Variants in PDE12 observed in about 807,000 individuals in gnomAD.
The protein encoded by PDE12 is phosphodiesterase 12.
Under a neutral mutation model 45.4 loss-of-function variants are expected in PDE12, and 26 were observed. That is an observed-to-expected ratio of 0.57 (90% CI 0.42 to 0.79). The LOEUF is 0.79. Among genes scored for constraint, PDE12 ranks in the 30% least tolerant of loss-of-function variants. The pLI is 0.00. For synonymous variants in PDE12, 283 were observed against 323.9 expected (o/e 0.87, Z 1.36); for missense variants, 668 against 790.0 (o/e 0.85, Z 1.85).
the PDE12 span, among the ~76,000 whole-genome samples, chr3:57,605,412 A>G: frequency 2.0e-5 from 3 of 152,274 alleles, no homozygotes; most frequent in South Asian, 6.3e-4. Context: ...TTGGTTGGGA[A>G]CAATGCCTGG....
At chr3:57,603,968 A>C in the PDE12 span, among the ~76,000 whole-genome samples, 1 of 146,888 alleles carries the variant, frequency 6.8e-6, no homozygotes, top group Non-Finnish European at 1.5e-5. Flanking sequence ...TCTGTTGCCC[A>C]GGCTAGAATG....
At chr3:57,644,944 A>G in the PDE12 span, among the ~76,000 whole-genome samples, 6 of 151,968 alleles carry the variant, frequency 3.9e-5, no homozygotes, top group East Asian at 1.2e-3. Flanking sequence ...TCCGCAGTTG[A>G]CTAGAAGCAA....
At chr3:57,638,262 T>C in the PDE12 span, among the ~76,000 whole-genome samples, 20 of 151,374 alleles carry the variant, frequency 1.3e-4, no homozygotes, top group African/African-American at 4.9e-4. Flanking sequence ...TCAGAATATA[T>C]AAAGAATTCC....
chr3:57,656,299 T>G, the PDE12 span, among the ~76,000 whole-genome samples: 2 of 152,212 alleles, frequency 1.3e-5, no homozygotes, highest in African/African-American at 4.8e-5. Flanking sequence ...TCTGGAAACT[T>G]TCACTTAGCA....
the PDE12 span, among the ~76,000 whole-genome samples, chr3:57,636,669 G>T: frequency 6.6e-6 from 1 of 152,160 alleles, no homozygotes; most frequent in Non-Finnish European, 1.5e-5. Flanking sequence ...GGGCGTGGTG[G>T]CTCACGCCTG....
chr3:57,576,904 C>T, the PDE12 span, among the ~76,000 whole-genome samples: 3 of 151,930 alleles, frequency 2.0e-5, no homozygotes, highest in South Asian at 2.1e-4. Flanking sequence ...AAAATGGAAC[C>T]GATGACCTTG....
the PDE12 span, chr3:57,575,528 A>G: frequency 6.2e-7 from 1 of 1,601,930 alleles, no homozygotes; most frequent in Non-Finnish European, 8.5e-7. Flanking sequence ...AGAGGTTAAT[A>G]TCAACCTCCA....
chr3:57,558,737 GC>G (rs1258970393), intron 1 of PDE12, among the ~76,000 whole-genome samples: 3 of 151,380 alleles, frequency 2.0e-5, no homozygotes, highest in Non-Finnish European at 4.4e-5. Flanking sequence ...TGATCCGCCC[GC>G]CTCAGCCTCC....
At chr3:57,641,655 G>A in the PDE12 span, 1 of 1,607,508 alleles carries the variant, frequency 6.2e-7, no homozygotes, top group African/African-American at 1.3e-5. Context: ...TACTTTACCT[G>A]TAGGTTTAAG....
chr3:57,617,593 T>A, the PDE12 span, among the ~76,000 whole-genome samples: 9 of 152,042 alleles, frequency 5.9e-5, no homozygotes, highest in African/African-American at 1.9e-4. Context: ...CCAGGCTCGG[T>A]GGCTCACACC....
At position 57,559,563 on chromosome 3, in the gene PDE12, T is replaced by G. The variant is rs745772485; in HGVS notation, c.1389T>G (p.Gly463=). 6.3e-7 allele frequency: 1 copy of G among 1,599,158 alleles called. No individual in the cohort carries two copies. The highest frequency in any genetic ancestry group is 8.5e-7 in the Non-Finnish European group (1 of 1,171,290). ...ANTHLYWHPK[G]GYIRLIQMAV... Reference sequence around the variant, plus strand: ...CATTAATGTTTTTTATATTCATAGGTGGGTATATTCGCCTCATTCAAATGG... The same window carrying G: ...CATTAATGTTTTTTATATTCATAGGGGGGTATATTCGCCTCATTCAAATGG... The change falls in exon 3 of 3, where the codon GGT becomes GGG. Residue 463 remains glycine (G), a splice_region_variant and synonymous_variant. Coordinates refer to ENST00000311180, the MANE Select transcript of PDE12 (RefSeq NM_177966.7).
chr3:57,570,219 G>GTTTTTTTTTTTTTTT (rs34599005), downstream of PDE12, among the ~76,000 whole-genome samples: 67 of 102,326 alleles, frequency 6.5e-4, 3 homozygotes, highest in African/African-American at 2.2e-3. Context: ...TTAATCCAGT[G>GTTTTTTTTTTTTTTT]TTTTTTTTTT....
chr3:57,585,480 T>C, the PDE12 span, among the ~76,000 whole-genome samples: 1 of 152,150 alleles, frequency 6.6e-6, no homozygotes, highest in African/African-American at 2.4e-5. Context: ...CTGATTAACC[T>C]GTTATAAAAA....
chr3:57,608,505 G>A, the PDE12 span, among the ~76,000 whole-genome samples: 1 of 151,904 alleles, frequency 6.6e-6, no homozygotes, highest in Non-Finnish European at 1.5e-5. Flanking sequence ...CTCATGTGCA[G>A]AGACACACAT....
the PDE12 span, chr3:57,599,933 A>G: frequency 9.3e-5 from 14 of 151,296 alleles, no homozygotes; most frequent in African/African-American, 1.5e-4. Context: ...GGCCCAAGCA[A>G]TCCTTCCACC....
At chr3:57,579,117 ATC>A in the PDE12 span, among the ~76,000 whole-genome samples, 1 of 151,678 alleles carries the variant, frequency 6.6e-6, no homozygotes, top group African/African-American at 2.4e-5. Flanking sequence ...GTGAAACCCC[ATC>A]TCTACTAAAA....
chr3:57,638,293 CCATT>C, the PDE12 span, among the ~76,000 whole-genome samples: 19,867 of 151,036 alleles, frequency 0.13, 1,382 homozygotes, highest in South Asian at 0.21. Context: ...AAAAAAAAAC[CCATT>C]CAAACAACTC....
At chr3:57,577,417 A>T in the PDE12 span, 1 of 1,571,506 alleles carries the variant, frequency 6.4e-7, no homozygotes, top group Non-Finnish European at 8.8e-7. Context: ...GTAAATTTTA[A>T]CAGTTAAACG....
At chr3:57,644,653 A>C in the PDE12 span, among the ~76,000 whole-genome samples, 1 of 131,560 alleles carries the variant, frequency 7.6e-6, no homozygotes, top group East Asian at 2.4e-4. Context: ...TGTTACAAGA[A>C]AGAAGAGGTG....
Sources: gnomAD v4.1 joint callset for allele counts (sites outside exome capture counted in the v4.1 genomes callset) on GRCh38, gnomAD v4.1.1 for gene constraint, MANE v1.5 for transcripts, NCBI Gene and HGNC (gene_info 2026-07-23, HGNC 2026-07-21) for gene names.